Variants in DDI2 observed in about 807,000 individuals in gnomAD.
The protein encoded by DDI2 is DDI proteasomal shuttling factor 2, also known as protein DDI1 homolog 2.
In DDI2, 5 loss-of-function variants were observed where a neutral mutation model predicts 48.1. The ratio of observed to expected loss-of-function variants is 0.10; its 90% CI spans 0.05 to 0.22. The LOEUF is 0.22. DDI2 is among the 10% of genes least tolerant of loss of function. The pLI is 1.00. For synonymous variants in DDI2, 205 were observed against 183.6 expected, an observed-to-expected ratio of 1.12 and a Z score of -0.94; for missense variants, 285 against 506.2, an observed-to-expected ratio of 0.56 and a Z score of 4.19.
chr1:15,643,399 T>C, intron 5 of DDI2, 123 bp from the exon 6 acceptor site: 1 of 1,400,476 alleles, frequency 7.1e-7, no homozygotes, highest in African/African-American at 1.5e-5. Context: ...AGAAATGAGT[T>C]TATAGAGACC....
chr1:15,660,727 A>G lies in DDI2; in HGVS notation c.*937A>G, dbSNP rs1354585930. 3 of 1,613,760 alleles carry G rather than the reference A, an allele frequency of 1.9e-6. No homozygotes were observed. Among genetic ancestry groups the G allele is most frequent in the South Asian group, 1.1e-5 (1 of 90,988 alleles). On this transcript the variant is annotated 3_prime_UTR_variant, in exon 10 of 10. Transcript: ENST00000480945. ...GGATCTCACTTTAGATAATCCCTTGATGGAAGTAGAAACATCAAAATGTAA... is the reference window on the plus strand; with the variant it reads ...GGATCTCACTTTAGATAATCCCTTGGTGGAAGTAGAAACATCAAAATGTAA...
rs150424481 is a variant in DDI2, at chr1:15,655,998, T to TA, written c.1184-609dup. On this transcript the variant is annotated intron_variant, in intron 8 of 9. Transcript: ENST00000480945. ...TTATAAACTCTATATTAAAATGTTT[T>TA]AAAAAAAAAACATGTTTTTGATAGT... Among the ~76,000 whole-genome samples, 1,634 of 150,458 alleles carry TA rather than the reference T, an allele frequency of 0.011. 119 individuals are homozygous for TA. In the East Asian group the frequency reaches 0.2, roughly 18 times the overall value.
intron 8 of DDI2, among the ~76,000 whole-genome samples, chr1:15,653,528 T>G (rs1014309015): frequency 6.6e-6 from 1 of 152,078 alleles, no homozygotes; most frequent in African/African-American, 2.4e-5. Context: ...CAAAAAGAAG[T>G]ATAAATTTTT....
In DDI2 at chr1:15,668,333, T is replaced by G. The variant is rs553764348; in HGVS notation, c.*8543T>G. The G allele has an allele frequency of 1.3e-5, 2 of 152,358 alleles. No homozygotes were observed. Among genetic ancestry groups the G allele is most frequent in the Middle Eastern group, 3.4e-3 (1 of 294 alleles). The allele number at this position is 152,358 out of a possible 1,614,324, so 9.4% of individuals were successfully genotyped here. A position where few individuals can be genotyped will look rare whatever the true frequency, so the allele number is the denominator to read the frequency against. Reference sequence around the variant, plus strand: ...TCCTGAATCTTCACAGCTGAGTTTATGGCACCCATCCAAGACCTTCCCATT... The same window carrying G: ...TCCTGAATCTTCACAGCTGAGTTTAGGGCACCCATCCAAGACCTTCCCATT... On this transcript the variant is annotated 3_prime_UTR_variant, in exon 10 of 10. Transcript: ENST00000480945.
At chr1:15,619,525 G>T (rs1639622321) in intron 1 of DDI2, among the ~76,000 whole-genome samples, 1 of 148,832 alleles carries the variant, frequency 6.7e-6, no homozygotes, top group Non-Finnish European at 1.5e-5. Flanking sequence ...GCAGTGGCGC[G>T]ATCTCGGCTT....
intron 1 of DDI2, among the ~76,000 whole-genome samples, chr1:15,618,251 C>CT (rs375538671): frequency 0.31 from 40,424 of 129,158 alleles, 7,236 homozygotes; most frequent in African/African-American, 0.47. Context: ...TGTTCCTCTG[C>CT]TTTTTTTTTT....
intron 7 of DDI2, among the ~76,000 whole-genome samples, chr1:15,651,281 T>C (rs1459614099): frequency 1.3e-5 from 2 of 152,242 alleles, no homozygotes; most frequent in African/African-American, 4.8e-5. Flanking sequence ...GTAAATCATA[T>C]ATGTGCACAA....
Position 15,660,734 on chromosome 1 carries a change from T to C in DDI2, c.*944T>C, listed in dbSNP as rs1231298791. 3 of 1,613,882 alleles carry C rather than the reference T, an allele frequency of 1.9e-6. No homozygotes were observed. Among genetic ancestry groups the C allele is most frequent in the Middle Eastern group, 1.7e-4 (1 of 6,060 alleles). On this transcript the variant is annotated 3_prime_UTR_variant, in exon 10 of 10. Coordinates refer to ENST00000480945, the MANE Select transcript of DDI2 (RefSeq NM_032341.5). ...ACTTTAGATAATCCCTTGATGGAAG[T>C]AGAAACATCAAAATGTAACCCTTCA...
At position 15,631,792 on chromosome 1, in the gene DDI2, C is replaced by CTT. The variant is rs539097212; in HGVS notation, c.505+1233_505+1234dup. 5.3e-5 allele frequency among the ~76,000 whole-genome samples: 8 copies of CTT among 151,838 alleles called. No individual in the cohort carries two copies. In the South Asian group the frequency reaches 1.7e-3, roughly 32 times the overall value. On this transcript the variant is annotated intron_variant, in intron 3 of 9. Transcript: ENST00000480945. ...TATATGGAATAATAGAGTGTCTGCT[C>CTT]TTTCGTGTTAGGCTTTGTTTTTTTT...
rs1640465932 is a variant in DDI2, at chr1:15,667,199, C to A, written c.*7409C>A. The A allele has an allele frequency of 7.8e-6, 1 of 128,358 alleles. No homozygotes were observed. The highest frequency in any genetic ancestry group is 3.0e-5 in the African/African-American group (1 of 33,196). 8.0% of individuals were successfully genotyped at this position (128,358 alleles called of 1,614,324 possible). A position where few individuals can be genotyped will look rare whatever the true frequency, so the allele number is the denominator to read the frequency against. ...TCCAGCCTGGGCAAGAGTGAGACAC[C>A]GTCTCAAAAAAAAAAAAAATTTTTT... On this transcript the variant is annotated 3_prime_UTR_variant, in exon 10 of 10. Transcript: ENST00000480945.
Position 15,667,709 on chromosome 1 carries a change from C to T in DDI2, c.*7919C>T, listed in dbSNP as rs562498756. ...TTTTTTAACCTGTTATTTTAAATGC[C>T]ACATATATGTTGTAATGCTGAAGCA... On this transcript the variant is annotated 3_prime_UTR_variant, in exon 10 of 10. Transcript: ENST00000480945. 1 of 152,268 alleles carries T rather than the reference C, an allele frequency of 6.6e-6. No homozygotes were observed. Among genetic ancestry groups the T allele is most frequent in the South Asian group, 2.1e-4 (1 of 4,822 alleles). 9.4% of individuals were successfully genotyped at this position (152,268 alleles called of 1,614,324 possible).
intron 8 of DDI2, 112 bp downstream of exon 8, chr1:15,652,007 A>G: frequency 9.9e-7 from 1 of 1,015,156 alleles, no homozygotes; most frequent in Non-Finnish European, 1.3e-6. Context: ...CTCATGGTCC[A>G]GTAGTAGATG....
At chr1:15,641,725 C>T (rs1025704571) in intron 5 of DDI2, among the ~76,000 whole-genome samples, 3 of 151,846 alleles carry the variant, frequency 2.0e-5, no homozygotes, top group Non-Finnish European at 4.4e-5. Flanking sequence ...GAGGCCAAGG[C>T]AGGTGGATCA....
intron 7 of DDI2, among the ~76,000 whole-genome samples, chr1:15,650,908 G>T (rs899020332): frequency 1.3e-5 from 2 of 152,282 alleles, no homozygotes; most frequent in South Asian, 4.1e-4. Context: ...AGGCTGGAGT[G>T]CAGTGGTGCA....
intron 4 of DDI2, among the ~76,000 whole-genome samples, 187 bp from the exon 5 acceptor site, chr1:15,638,120 G>C (rs1639954779): frequency 6.6e-6 from 1 of 152,132 alleles, no homozygotes; most frequent in Non-Finnish European, 1.5e-5. Flanking sequence ...TTTTCTGCCA[G>C]CTGTTCATCT....
chr1:15,654,816 A>G (rs1640247074), intron 8 of DDI2, among the ~76,000 whole-genome samples: 2 of 152,196 alleles, frequency 1.3e-5, no homozygotes, highest in Admixed American at 6.5e-5. Flanking sequence ...CTTACCTGCA[A>G]GGTAAGCTTG....
Position 15,667,972 on chromosome 1 carries a change from A to C in DDI2, c.*8182A>C, listed in dbSNP as rs1640479873. The C allele has an allele frequency of 6.6e-6, 1 of 152,178 alleles. No individual in the cohort carries two copies. Among genetic ancestry groups the C allele is most frequent in the South Asian group, 2.1e-4 (1 of 4,832 alleles). The allele number at this position is 152,178 out of a possible 1,614,324, so 9.4% of individuals were successfully genotyped here. A position where few individuals can be genotyped will look rare whatever the true frequency, so the allele number is the denominator to read the frequency against. On this transcript the variant is annotated 3_prime_UTR_variant, in exon 10 of 10. Transcript: ENST00000480945. ...GTTAGAGAATGTTTCTTTTACCTAAAAATGTTAAGCCAACTATGGAAGATT... is the reference window on the plus strand; with the variant it reads ...GTTAGAGAATGTTTCTTTTACCTAACAATGTTAAGCCAACTATGGAAGATT...
chr1:15,633,240 C>G (rs1349716230), intron 3 of DDI2, among the ~76,000 whole-genome samples, 199 bp from the exon 4 acceptor site: 1 of 152,104 alleles, frequency 6.6e-6, no homozygotes, highest in East Asian at 1.9e-4. Context: ...CAAATACTTT[C>G]TTTACACTGA....
chr1:15,623,387 C>CTTCTTTTTT (rs1553152999), intron 1 of DDI2, among the ~76,000 whole-genome samples: 3 of 107,490 alleles, frequency 2.8e-5, no homozygotes, highest in African/African-American at 1.1e-4. Context: ...TTTTCTTCTT[C>CTTCTTTTTT]TTTTTTTTTT....
Sources: allele counts gnomAD v4.1 joint callset (sites outside exome capture counted in the v4.1 genomes callset), GRCh38; gene constraint gnomAD v4.1.1; transcripts MANE v1.5; gene names NCBI Gene and HGNC (gene_info 2026-07-23, HGNC 2026-07-21).